The following ZNF451 variants were observed in gnomAD, a reference collection of about 807,000 sequenced individuals.
ZNF451 encodes the protein zinc finger protein 451.
A neutral mutation model predicts 107.1 loss-of-function variants in ZNF451; 80 were observed. The observed-to-expected ratio is 0.75, with a 90% CI of 0.62 to 0.90. ZNF451 has a LOEUF of 0.90. Ranked by LOEUF, ZNF451 falls within the 40% of genes least tolerant of loss-of-function variation. ZNF451 has a pLI of 0.00. For missense variants in ZNF451, 1,107 were observed against 1,236.2 expected (o/e 0.90, Z 1.57); for synonymous variants, 362 against 406.5 (o/e 0.89, Z 1.32).
intron 7 of ZNF451, among the ~76,000 whole-genome samples, chr6:57,140,659 A>C (rs181842551): frequency 3.4e-3 from 520 of 152,142 alleles, no homozygotes; most frequent in African/African-American, 0.011. Flanking sequence ...GGAAAAAAAA[A>C]CCCAAAACTT....
chr6:57,100,683 T>G, intron 3 of ZNF451: 1 of 1,550,300 alleles, frequency 6.5e-7, no homozygotes, highest in Non-Finnish European at 8.7e-7. Flanking sequence ...CTCTTCCCAT[T>G]GGAGATAGCA....
chr6:57,090,403 C>A lies in ZNF451; in HGVS notation c.21+129C>A. The A allele has an allele frequency of 2.8e-6, 4 of 1,426,252 alleles. No homozygotes were observed. In the South Asian group the frequency reaches 5.4e-5, roughly 19 times the overall value. 88.3% of individuals were successfully genotyped at this position (1,426,252 alleles called of 1,614,324 possible). On this transcript the variant is annotated intron_variant, in intron 1 of 14. Transcript: ENST00000370706. Reference sequence around the variant, plus strand: ...TACCTCTTCAGTGTCTTGGGCCGAGCCCAGCTCTGGGGCCTGGTGCGTGTC... The same window carrying A: ...TACCTCTTCAGTGTCTTGGGCCGAGACCAGCTCTGGGGCCTGGTGCGTGTC...
chr6:57,106,138 A>G (rs1251017227), intron 3 of ZNF451: 1 of 985,248 alleles, frequency 1.0e-6, no homozygotes, highest in Non-Finnish European at 1.2e-6. Context: ...AGGAGGTTGA[A>G]AAAGACACAT....
intron 3 of ZNF451, among the ~76,000 whole-genome samples, chr6:57,099,864 GAT>G (rs920755726): frequency 1.3e-5 from 2 of 152,330 alleles, no homozygotes; most frequent in Non-Finnish European, 2.9e-5. Flanking sequence ...CTTGCTCTGT[GAT>G]ATAGGGGATT....
At chr6:57,151,488 GATT>G (rs1832346872) in intron 11 of ZNF451, 1 of 151,278 alleles carries the variant, frequency 6.6e-6, no homozygotes, top group African/African-American at 2.4e-5. Flanking sequence ...CATGGTTACT[GATT>G]ATTATGGTTT....
rs1764008864 is a variant in ZNF451 at position 57,168,662 on chromosome 6, A to G, written c.*193A>G. 1 of 551,200 alleles carries G rather than the reference A, an allele frequency of 1.8e-6. No individual in the cohort carries two copies. Among genetic ancestry groups the G allele is most frequent in the Non-Finnish European group, 3.2e-6 (1 of 317,122 alleles). 34.1% of individuals were successfully genotyped at this position (551,200 alleles called of 1,614,324 possible). ...TAATGTGCAAACATGTACAGAAGAA[A>G]TAGAATACATGTTCATGCAAATATA... On this transcript the variant is annotated 3_prime_UTR_variant, in exon 15 of 15. Coordinates refer to ENST00000370706, the MANE Select transcript of ZNF451 (RefSeq NM_001031623.3).
At chr6:57,102,501 ACT>A in intron 3 of ZNF451, 1 of 992,550 alleles carries the variant, frequency 1.0e-6, no homozygotes. Context: ...ATGTCTGTTT[ACT>A]AAGACCAGAG....
intron 13 of ZNF451, among the ~76,000 whole-genome samples, chr6:57,158,188 C>T (rs1160871842): frequency 6.6e-6 from 1 of 152,194 alleles, no homozygotes; most frequent in Admixed American, 6.5e-5. Flanking sequence ...GACACAAATA[C>T]CTGATTCCAT....
chr6:57,092,004 T>C (rs1011958887), intron 2 of ZNF451, among the ~76,000 whole-genome samples: 5 of 152,182 alleles, frequency 3.3e-5, no homozygotes, highest in African/African-American at 9.7e-5. Flanking sequence ...TCTACGGATT[T>C]GGAGTAGAGG....
intron 12 of ZNF451, among the ~76,000 whole-genome samples, chr6:57,152,999 G>A (rs1329529611): frequency 6.6e-6 from 1 of 152,120 alleles, no homozygotes; most frequent in Non-Finnish European, 1.5e-5. Flanking sequence ...ATTTGCATTT[G>A]CTTCTGTCTC....
chr6:57,104,527 G>A, intron 3 of ZNF451: 11 of 985,096 alleles, frequency 1.1e-5, no homozygotes, highest in Non-Finnish European at 1.3e-5. Context: ...TTATGCCTGA[G>A]AATGCGTTTG....
intron 3 of ZNF451, among the ~76,000 whole-genome samples, chr6:57,123,950 CAA>C (rs1187537813): frequency 6.6e-6 from 1 of 152,162 alleles, no homozygotes; most frequent in African/African-American, 2.4e-5. Flanking sequence ...TGGATGCAAA[CAA>C]AGAGTTTTAT....
chr6:57,122,661 A>C (rs2127958017), intron 3 of ZNF451, among the ~76,000 whole-genome samples: 1 of 152,350 alleles, frequency 6.6e-6, no homozygotes, highest in Non-Finnish European at 1.5e-5. Flanking sequence ...TGCAAATCAA[A>C]ATCACAATCA....
At chr6:57,158,749 T>C in intron 13 of ZNF451, 1 of 985,466 alleles carries the variant, frequency 1.0e-6, no homozygotes, top group Non-Finnish European at 1.2e-6. Context: ...AAAAAGATGT[T>C]ACTACAAGAT....
chr6:57,096,295 C>T (rs1032210940), intron 2 of ZNF451, among the ~76,000 whole-genome samples: 5 of 148,762 alleles, frequency 3.4e-5, no homozygotes, highest in African/African-American at 1.2e-4. Context: ...AGCAATTCTC[C>T]TGCCTCAGTC....
rs3800022 is a variant in ZNF451 at position 57,101,279 on chromosome 6, A to G, written c.186+2138A>G. The G allele has an allele frequency of 7.5e-5, 116 of 1,550,872 alleles. 1 individual carries two copies. The East Asian group carries it at 2.7e-3, about 36-fold the overall frequency. On this transcript the variant is annotated intron_variant, in intron 3 of 14. Transcript: ENST00000370706. Reference sequence around the variant, plus strand: ...GCGGAGTCATGTGAAGGGAAACCTGATTGTGTGACTTCTAAAAAACGTTTG... The same window carrying G: ...GCGGAGTCATGTGAAGGGAAACCTGGTTGTGTGACTTCTAAAAAACGTTTG...
intron 3 of ZNF451, chr6:57,104,657 A>T: frequency 2.0e-6 from 2 of 985,186 alleles, no homozygotes; most frequent in Non-Finnish European, 2.4e-6. Flanking sequence ...CCATTTTTTA[A>T]GCGTATGGTA....
chr6:57,113,007 CT>C (rs1288985454), intron 3 of ZNF451, among the ~76,000 whole-genome samples: 1 of 151,526 alleles, frequency 6.6e-6, no homozygotes, highest in Non-Finnish European at 1.5e-5. Context: ...TTTTTAAAGC[CT>C]TTATTTTAGG....
At chr6:57,153,475 C>T (rs1234736929) in intron 12 of ZNF451, among the ~76,000 whole-genome samples, 1 of 150,862 alleles carries the variant, frequency 6.6e-6, no homozygotes, top group African/African-American at 2.4e-5. Context: ...GTGGCGCGAT[C>T]TTGGCTGCAA....
Sources: allele counts gnomAD v4.1 joint callset (sites outside exome capture counted in the v4.1 genomes callset), GRCh38; gene constraint gnomAD v4.1.1; transcripts MANE v1.5; gene names NCBI Gene and HGNC (gene_info 2026-07-23, HGNC 2026-07-21).